Variants in RAB3GAP2 observed in about 807,000 individuals in gnomAD.
The protein encoded by RAB3GAP2 is rab3 GTPase-activating protein non-catalytic subunit.
A neutral mutation model predicts 185.3 loss-of-function variants in RAB3GAP2; 87 were observed. The ratio of observed to expected loss-of-function variants is 0.47; its 90% confidence interval spans 0.39 to 0.56. RAB3GAP2 has a LOEUF of 0.56. Ranked by LOEUF, RAB3GAP2 falls within the 20% of genes least tolerant of loss-of-function variation. The pLI, the probability that RAB3GAP2 is intolerant of heterozygous loss-of-function variation, is 0.00. For synonymous variants in RAB3GAP2, 554 were observed against 576.1 expected, an observed-to-expected ratio of 0.96 and a Z score of 0.55; for missense variants, 1,492 against 1,638.2, an observed-to-expected ratio of 0.91 and a Z score of 1.54.
At chr1:220,168,135 T>C (rs1355567596) in intron 24 of RAB3GAP2, among the ~76,000 whole-genome samples, 1 of 152,158 alleles carries the variant, frequency 6.6e-6, no homozygotes, top group African/African-American at 2.4e-5. Flanking sequence ...CTTTGTTGCT[T>C]AGGCTGGAGT....
chr1:220,195,308 T>C lies in RAB3GAP2; in HGVS notation c.1030A>G (p.Asn344Asp), dbSNP rs1174986383. The change falls in exon 11 of 35, where the codon AAT becomes GAT. Residue 344 changes from asparagine to aspartate, a missense_variant. By Grantham distance (23) the Asn-to-Asp change is conservative. This residue lies in a region of RAB3GAP2 where 243 missense variants were observed against 314.8 expected (regional missense o/e 0.77). Coordinates refer to ENST00000358951, the MANE Select transcript of RAB3GAP2 (RefSeq NM_012414.4). ...TTGTTAAGTAATTACCTGGCAGCAT[T>C]AAATAAAGCAGAAGTGAGTTTACTT... The part of the protein sequence containing the change: ...VASKLTSALF[N>D]AASGWLGWKS... 4 of 1,609,560 alleles carry C rather than the reference T, an allele frequency of 2.5e-6. No individual in the cohort carries two copies. In the Middle Eastern group the frequency reaches 5.0e-4, roughly 199 times the overall value.
intron 2 of RAB3GAP2, among the ~76,000 whole-genome samples, chr1:220,217,117 A>C (rs1001969709): frequency 6.6e-6 from 1 of 152,130 alleles, no homozygotes; most frequent in Non-Finnish European, 1.5e-5. Flanking sequence ...GTCAGAGCCC[A>C]AACTAAAATC....
intron 1 of RAB3GAP2, chr1:220,265,906 C>G (rs1337995027): frequency 2.0e-5 from 3 of 152,330 alleles, no homozygotes; most frequent in Non-Finnish European, 2.9e-5. Context: ...GCCTGGGTGA[C>G]AGAGTGAGGC....
chr1:220,184,054 G>C lies in RAB3GAP2; in HGVS notation c.1980C>G (p.Asp660Glu). ...TACTCACATTATCAGAGAATGGTGT[G>C]TCTAAATGAAAATCAAGGGAATTTA... ...SQLNSLDFHL[D>E]TPFSDNDLAL... is the part of the protein sequence containing the mutation. Residue 660 changes from aspartate (D) to glutamate (E), a missense_variant, in exon 19 of 35, where the codon GAC (aspartate) becomes GAG (glutamate). Coordinates refer to ENST00000358951, the MANE Select transcript of RAB3GAP2 (RefSeq NM_012414.4). 1 of 1,581,228 alleles carries C rather than the reference G, an allele frequency of 6.3e-7. No homozygotes were observed. The highest frequency in any genetic ancestry group is 1.1e-5 in the South Asian group (1 of 89,938).
chr1:220,234,676 CTA>C (rs1256920533), intron 1 of RAB3GAP2, among the ~76,000 whole-genome samples: 1 of 152,130 alleles, frequency 6.6e-6, no homozygotes, highest in Non-Finnish European at 1.5e-5. Context: ...AATTCATGAT[CTA>C]CTGTAGAAGG....
At chr1:220,251,915 C>T (rs904440154) in intron 1 of RAB3GAP2, among the ~76,000 whole-genome samples, 1 of 151,880 alleles carries the variant, frequency 6.6e-6, no homozygotes. Context: ...CACGGAAAGC[C>T]GAGGTGGTGG....
At chr1:220,256,665 C>T (rs1013368594) in intron 1 of RAB3GAP2, among the ~76,000 whole-genome samples, 1 of 152,204 alleles carries the variant, frequency 6.6e-6, no homozygotes, top group African/African-American at 2.4e-5. Flanking sequence ...AAGGGCATTA[C>T]ATAATGGTAA....
intron 1 of RAB3GAP2, among the ~76,000 whole-genome samples, chr1:220,242,654 C>G (rs1308470474): frequency 6.6e-6 from 1 of 152,176 alleles, no homozygotes; most frequent in Non-Finnish European, 1.5e-5. Flanking sequence ...ATAAGCACTT[C>G]CTTGTAACAT....
At chr1:220,233,444 G>C (rs760048936) in intron 1 of RAB3GAP2, among the ~76,000 whole-genome samples, 6 of 152,144 alleles carry the variant, frequency 3.9e-5, no homozygotes, top group Non-Finnish European at 7.4e-5. Flanking sequence ...ATGCAACAAG[G>C]AATGTAAAAG....
chr1:220,269,248 T>C (rs773757222), intron 1 of RAB3GAP2, among the ~76,000 whole-genome samples: 2 of 152,178 alleles, frequency 1.3e-5, no homozygotes, highest in Non-Finnish European at 2.9e-5. Context: ...GCAAAAACCT[T>C]AGCCACAAAT....
At chr1:220,232,949 A>ATATGAT in intron 1 of RAB3GAP2, 86 bp from the exon 2 acceptor site, 2 of 1,094,506 alleles carry the variant, frequency 1.8e-6, no homozygotes, top group Non-Finnish European at 2.8e-6. Flanking sequence ...TCATAGAACC[A>ATATGAT]ACCCCTGTAT....
At chr1:220,162,905 T>A (rs772588210) in intron 27 of RAB3GAP2, among the ~76,000 whole-genome samples, 46 of 152,228 alleles carry the variant, frequency 3.0e-4, no homozygotes, top group Non-Finnish European at 6.0e-4. Flanking sequence ...TATAAAAAAG[T>A]ATTAAAAACA....
chr1:220,182,179 TAAA>T, intron 21 of RAB3GAP2, 75 bp downstream of exon 21: 1 of 1,176,086 alleles, frequency 8.5e-7, no homozygotes. Context: ...AGACAATAGT[TAAA>T]AAAAAAAAGA....
chr1:220,258,565 T>G (rs762130830), intron 1 of RAB3GAP2, among the ~76,000 whole-genome samples: 1 of 152,176 alleles, frequency 6.6e-6, no homozygotes, highest in Non-Finnish European at 1.5e-5. Flanking sequence ...CTCAATAAAC[T>G]AGGTATTAAA....
intron 1 of RAB3GAP2, among the ~76,000 whole-genome samples, chr1:220,236,928 C>T (rs374090683): frequency 1.3e-5 from 2 of 152,040 alleles, no homozygotes; most frequent in South Asian, 4.1e-4. Flanking sequence ...TACTATAAGG[C>T]CTTGAGGTTC....
At chr1:220,254,396 A>G in intron 1 of RAB3GAP2, 1 of 1,613,070 alleles carries the variant, frequency 6.2e-7, no homozygotes, top group Non-Finnish European at 8.5e-7. Flanking sequence ...ATGTTGGCCT[A>G]TACACCTCTG....
intron 1 of RAB3GAP2, among the ~76,000 whole-genome samples, chr1:220,238,983 TAATA>T (rs746775084): frequency 6.6e-6 from 1 of 152,174 alleles, no homozygotes; most frequent in Non-Finnish European, 1.5e-5. Flanking sequence ...CATAAGTACT[TAATA>T]AATATTTGCT....
At chr1:220,157,627 T>C in intron 30 of RAB3GAP2, 139 bp from the exon 31 acceptor site, 2 of 1,068,764 alleles carry the variant, frequency 1.9e-6, no homozygotes, top group South Asian at 1.5e-5. Context: ...ACACAAAGTC[T>C]AATTTCAATA....
Position 220,150,880 on chromosome 1 carries a change from T to A in RAB3GAP2, c.*371A>T, listed in dbSNP as rs1657739021. ...GGACTGTACATGAACACATTTAAAT[T>A]GAATTACAACAACATTTTAGATAGG... is the stretch of plus-strand genomic sequence containing the variant. On this transcript the variant is annotated 3_prime_UTR_variant, in exon 35 of 35. Coordinates refer to ENST00000358951, the MANE Select transcript of RAB3GAP2 (RefSeq NM_012414.4). 8.0e-6 allele frequency: 2 copies of A among 250,784 alleles called. No individual in the cohort carries two copies. Among genetic ancestry groups the A allele is most frequent in the Non-Finnish European group, 1.5e-5 (2 of 129,534 alleles). The allele number at this position is 250,784 out of a possible 1,614,324, so 15.5% of individuals were successfully genotyped here.
Sources: allele counts gnomAD v4.1 joint callset (sites outside exome capture counted in the v4.1 genomes callset), GRCh38; gene constraint gnomAD v4.1.1; regional missense constraint gnomAD v4.1.1; transcripts MANE v1.5; gene names NCBI Gene and HGNC (gene_info 2026-07-23, HGNC 2026-07-21).